Variants in CHMP4A observed in about 807,000 individuals in gnomAD.
CHMP4A encodes the protein charged multivesicular body protein 4A, also known as SNF7 homolog associated with Alix-2.
A neutral mutation model predicts 28.2 loss-of-function variants in CHMP4A; 29 were observed. That is an observed-to-expected ratio of 1.03 (90% confidence interval 0.77 to 1.40). The LOEUF (loss-of-function observed/expected upper bound fraction) is 1.40. CHMP4A is among the 40% of genes most tolerant of loss of function. CHMP4A has a pLI of 0.00. For synonymous variants in CHMP4A, 88 were observed against 99.3 expected, an observed-to-expected ratio of 0.89 and a Z score of 0.67; for missense variants, 241 against 263.5, an observed-to-expected ratio of 0.91 and a Z score of 0.59.
intron 1 of CHMP4A, chr14:24,212,900 C>T: frequency 6.3e-6 from 1 of 158,308 alleles, no homozygotes; most frequent in South Asian, 1.5e-4. Context: ...CGGGGTTTCA[C>T]CATATTGGCC....
In CHMP4A at chr14:24,210,751, T is replaced by A. The variant is rs1391850402; in HGVS notation, c.377A>T (p.Asp126Val). The change falls in exon 4 of 6, where the codon GAT becomes GTT. Residue 126 changes from aspartate (D) to valine (V), a missense_variant. Physicochemically the swap from Asp to Val is radical, Grantham distance 152. Coordinates refer to ENST00000347519, the MANE Select transcript of CHMP4A (RefSeq NM_014169.5). Reference sequence around the variant, plus strand: ...TTCCGTGATGTCAGTCATCAGTTCATCTACCTTGTCAATGTCCCTGAGAAT... The same window carrying A: ...TTCCGTGATGTCAGTCATCAGTTCAACTACCTTGTCAATGTCCCTGAGAAT... ...AYQDMDIDKV[D>V]ELMTDITEQQ... 1 of 1,613,754 alleles carries A rather than the reference T, an allele frequency of 6.2e-7. No individual in the cohort carries two copies. Among genetic ancestry groups the A allele is most frequent in the African/African-American group, 1.3e-5 (1 of 74,928 alleles).
At chr14:24,211,138 T>C (rs2039587606) in intron 3 of CHMP4A, 1 of 419,738 alleles carries the variant, frequency 2.4e-6, no homozygotes, top group Non-Finnish European at 4.4e-6. Flanking sequence ...GAGCCGAGAT[T>C]GTGCCACTGC....
chr14:24,211,559 A>T lies in CHMP4A; in HGVS notation c.215T>A (p.Phe72Tyr), dbSNP rs556369622. Residue 72 changes from phenylalanine to tyrosine, a missense_variant, in exon 3 of 6, where the codon TTC (phenylalanine) becomes TAC (tyrosine). Physicochemically the swap from Phe to Tyr is conservative, Grantham distance 22. Transcript: ENST00000347519. Reference sequence around the variant, plus strand: ...GTCAGTTTGTGCCAGCTGCTGTTCGAATCTTTTCTTCCTCCGCAAAGCCTG... The same window carrying T: ...GTCAGTTTGTGCCAGCTGCTGTTCGTATCTTTTCTTCCTCCGCAAAGCCTG... Reference protein sequence around the residue: ...ALQALRRKKRFEQQLAQTDGT... With the variant: ...ALQALRRKKRYEQQLAQTDGT... 3.2e-5 allele frequency: 52 copies of T among 1,613,636 alleles called. No individual in the cohort carries two copies. The South Asian group carries it at 5.4e-4, about 17-fold the overall frequency.
intron 1 of CHMP4A, chr14:24,212,838 A>T (rs2138862347): frequency 6.3e-6 from 1 of 158,164 alleles, no homozygotes; most frequent in East Asian, 1.9e-4. Flanking sequence ...AAGTGCTGGG[A>T]TTACAGGCGT....
At chr14:24,211,290 A>C in intron 3 of CHMP4A, 125 bp downstream of exon 3, 1 of 810,604 alleles carries the variant, frequency 1.2e-6, no homozygotes, top group Non-Finnish European at 1.9e-6. Context: ...GGGCAGATGG[A>C]TGTCTAGCCA....
chr14:24,213,340 C>A, intron 1 of CHMP4A, 69 bp downstream of exon 1: 1 of 1,456,274 alleles, frequency 6.9e-7, no homozygotes, highest in Non-Finnish European at 9.0e-7. Flanking sequence ...CCGGCCGAAT[C>A]TCGCCGGGGT....
At position 24,211,503 on chromosome 14, in the gene CHMP4A, C is replaced by G; in HGVS notation, c.271G>C (p.Glu91Gln). The change falls in exon 3 of 6, where the codon GAG (glutamate) becomes CAG (glutamine). Residue 91 changes from glutamate to glutamine, a missense_variant. Transcript: ENST00000347519. ...TTGGTAGTGGCATTCTCAATGGCCT[C>G]ACGCTGAAACTCCAGGGTGGATAAT... ...GTLSTLEFQR[E>Q]AIENATTNAE... is the part of the protein sequence containing the mutation. 1 of 1,614,142 alleles carries G rather than the reference C, an allele frequency of 6.2e-7. No individual in the cohort carries two copies.
Position 24,211,446 on chromosome 14 carries a change from C to T in CHMP4A, c.328G>A (p.Ala110Thr), listed in dbSNP as rs1455433984. ...AEVLRTMELA[A>T]QSMKKAYQDM... ...TGGTAGGCCTTCTTCATGCTTTGGG[C>T]AGCAAGCTCCATGGTACGAAGGACT... The change falls in exon 3 of 6, where the codon GCC becomes ACC. Residue 110 changes from alanine (A) to threonine (T), a missense_variant. By Grantham distance (58) the Ala-to-Thr change is moderately conservative. Coordinates refer to ENST00000347519, the MANE Select transcript of CHMP4A (RefSeq NM_014169.5). 1.2e-6 allele frequency: 2 copies of T among 1,611,134 alleles called. No homozygotes were observed. The highest frequency in any genetic ancestry group is 1.7e-6 in the Non-Finnish European group (2 of 1,177,684).
rs377089196 is a variant in CHMP4A, at chr14:24,210,359, G to A, written c.599C>T (p.Pro200Leu). Residue 200 changes from proline (P) to leucine (L), a missense_variant, in exon 5 of 6, where the codon CCG becomes CTG. Coordinates refer to ENST00000347519, the MANE Select transcript of CHMP4A (RefSeq NM_014169.5). ...ACAACCCTGCATACCTGGCCCTGCC[G>A]GCAGATGAGTAGAAGGTACACTAGG... ...KLPSVPSTHL[P>L]AGPAPKVDED... The A allele has an allele frequency of 1.5e-5, 25 of 1,613,704 alleles. No homozygotes were observed. The highest frequency in any genetic ancestry group is 2.7e-5 in the African/African-American group (2 of 74,844).
Position 24,211,956 on chromosome 14 carries a change from C to T in CHMP4A, c.32-127G>A, listed in dbSNP as rs139705419. ...CTAATCCCCAAATCTCTACAATGAA[C>T]GTGCTATCTCTTCACTTTAAAAATG... On this transcript the variant is annotated intron_variant, in intron 1 of 5. Coordinates refer to ENST00000347519, the MANE Select transcript of CHMP4A (RefSeq NM_014169.5). 86 of 749,950 alleles carry T rather than the reference C, an allele frequency of 1.1e-4. 2 individuals are homozygous for T. In the East Asian group the frequency reaches 2.1e-3, roughly 18 times the overall value. 46.5% of individuals were successfully genotyped at this position (749,950 alleles called of 1,614,324 possible). A position where few individuals can be genotyped will look rare whatever the true frequency, so the allele number is the denominator to read the frequency against.
chr14:24,211,833 AG>A lies in CHMP4A; in HGVS notation c.32-5del, dbSNP rs2039593790. The A allele has an allele frequency of 6.2e-7, 1 of 1,609,836 alleles. No individual in the cohort carries two copies. Among genetic ancestry groups the A allele is most frequent in the East Asian group, 2.2e-5 (1 of 44,846 alleles). On this transcript the variant is annotated splice_polypyrimidine_tract_variant and splice_region_variant and intron_variant, in intron 1 of 5. Transcript: ENST00000347519. ...GTTGGCCCTTTCTCCTTCTTCCCTGAGGAGTCCAGTGGAGTAGGCCCAAATT... is the reference window on the plus strand; with the variant it reads ...GTTGGCCCTTTCTCCTTCTTCCCTGAGAGTCCAGTGGAGTAGGCCCAAATT...
At position 24,209,762 on chromosome 14, in the gene CHMP4A, C is replaced by T. The variant is rs2039574255; in HGVS notation, c.*115G>A. 2.1e-6 allele frequency: 2 copies of T among 972,706 alleles called. No individual in the cohort carries two copies. Among genetic ancestry groups the T allele is most frequent in the Non-Finnish European group, 3.3e-6 (2 of 605,838 alleles). The allele number at this position is 972,706 out of a possible 1,614,324, so 60.3% of individuals were successfully genotyped here. ...GAGACCCTTTTTTCAGGCAGGGTCA[C>T]ACTACCACCCTCAGCATGACTTCCC... On this transcript the variant is annotated 3_prime_UTR_variant, in exon 6 of 6. Transcript: ENST00000347519.
At chr14:24,209,973 A>G in intron 5 of CHMP4A, 38 bp from the exon 6 acceptor site, 1 of 1,585,304 alleles carries the variant, frequency 6.3e-7, no homozygotes, top group Non-Finnish European at 8.7e-7. Flanking sequence ...AGAAAGGAGA[A>G]GCAGTAAGGT....
At position 24,213,205 on chromosome 14, in the gene CHMP4A, G is replaced by C. The variant is rs888607293; in HGVS notation, c.31+204C>G. The stretch of plus-strand genomic sequence containing the variant: ...CTGAGAGTGGGGGAGGACGGCGGAC[G>C]GGAACAAGGCGCCCCGACATGGTGT... On this transcript the variant is annotated intron_variant, in intron 1 of 5. Coordinates refer to ENST00000347519, the MANE Select transcript of CHMP4A (RefSeq NM_014169.5). 4.4e-4 allele frequency: 247 copies of C among 557,974 alleles called. 1 individual carries two copies. The highest frequency in any genetic ancestry group is 1.6e-3 in the East Asian group (45 of 28,826). The allele number at this position is 557,974 out of a possible 1,614,324, so 34.6% of individuals were successfully genotyped here. A position where few individuals can be genotyped will look rare whatever the true frequency, so the allele number is the denominator to read the frequency against.
chr14:24,210,344 A>G lies in CHMP4A; in HGVS notation c.610+4T>C, dbSNP rs1566658689. The G allele has an allele frequency of 6.2e-7, 1 of 1,613,690 alleles. No individual in the cohort carries two copies. Among genetic ancestry groups the G allele is most frequent in the Non-Finnish European group, 8.5e-7 (1 of 1,179,828 alleles). ...CCTCAAGACAACAGAACAACCCTGC[A>G]TACCTGGCCCTGCCGGCAGATGAGT... On this transcript the variant is annotated splice_donor_region_variant and intron_variant, in intron 5 of 5. Transcript: ENST00000347519.
intron 5 of CHMP4A, 133 bp from the exon 6 acceptor site, chr14:24,210,068 C>T (rs3783441): frequency 0.046 from 41,696 of 902,930 alleles, 4,274 homozygotes; most frequent in East Asian, 0.36. Context: ...AGGTATGGTC[C>T]TTCTGCTTGC....
intron 3 of CHMP4A, chr14:24,211,124 C>T: frequency 2.5e-6 from 1 of 403,960 alleles, no homozygotes; most frequent in Non-Finnish European, 4.6e-6. Context: ...GCGGAGGTTG[C>T]AGTGAGCCGA....
At chr14:24,211,323 T>G (rs2039588661) in intron 3 of CHMP4A, 92 bp downstream of exon 3, 1 of 1,167,950 alleles carries the variant, frequency 8.6e-7, no homozygotes, top group East Asian at 2.6e-5. Context: ...ATACTGCAAA[T>G]TCACATTCTG....
intron 1 of CHMP4A, 127 bp from the exon 2 acceptor site, chr14:24,211,956 C>G (rs139705419): frequency 6.3e-5 from 47 of 749,836 alleles, no homozygotes; most frequent in Non-Finnish European, 9.3e-5. Flanking sequence ...CTACAATGAA[C>G]GTGCTATCTC....
Sources: gnomAD v4.1 joint callset for allele counts on GRCh38, gnomAD v4.1.1 for gene constraint, MANE v1.5 for transcripts, NCBI Gene and HGNC (gene_info 2026-07-23, HGNC 2026-07-21) for gene names.